Variants in USH2A observed in about 807,000 individuals in gnomAD.
USH2A encodes the protein Usher syndrome 2A (autosomal recessive, mild).
Under a neutral mutation model 538.9 loss-of-function variants are expected in USH2A, and 443 were observed. The observed-to-expected ratio is 0.82, with a 90% confidence interval of 0.76 to 0.89. USH2A has a LOEUF of 0.89. Among genes scored for constraint, USH2A ranks in the 40% least tolerant of loss-of-function variants. The probability of loss-of-function intolerance (pLI) is 0.00; values close to 1 mark genes in which losing one functional copy is unlikely to be tolerated. For synonymous variants in USH2A, 2,413 were observed against 2,273.5 expected, an observed-to-expected ratio of 1.06 and a Z score of -1.75; for missense variants, 6,633 against 6,324.8, an observed-to-expected ratio of 1.05 and a Z score of -1.65.
intron 30 of USH2A, among the ~76,000 whole-genome samples, chr1:216,049,344 T>C (rs926273531): frequency 1.3e-5 from 2 of 152,198 alleles, no homozygotes; most frequent in South Asian, 2.1e-4. Flanking sequence ...CTGGTAGATA[T>C]ATGAGATTTG....
At chr1:215,726,574 T>C (rs1659823587) in intron 61 of USH2A, among the ~76,000 whole-genome samples, 1 of 152,240 alleles carries the variant, frequency 6.6e-6, no homozygotes, top group Non-Finnish European at 1.5e-5. Flanking sequence ...CTCCATAAGA[T>C]AACCTTCATG....
intron 32 of USH2A, among the ~76,000 whole-genome samples, chr1:216,017,354 C>T (rs1263460481): frequency 6.6e-6 from 1 of 152,128 alleles, no homozygotes; most frequent in African/African-American, 2.4e-5. Flanking sequence ...TGATCTTCAT[C>T]AATGCTTTCG....
At chr1:215,933,324 G>T (rs1198058310) in intron 38 of USH2A, among the ~76,000 whole-genome samples, 3 of 151,824 alleles carry the variant, frequency 2.0e-5, no homozygotes, top group Non-Finnish European at 4.4e-5. Flanking sequence ...GGGGGAGTTT[G>T]TTTTATTTTG....
intron 9 of USH2A, among the ~76,000 whole-genome samples, chr1:216,302,429 C>T (rs2037233471): frequency 6.6e-6 from 1 of 152,124 alleles, no homozygotes. Context: ...AAATACTATT[C>T]TTTACCACTG....
At chr1:216,166,765 A>G (rs890316024) in intron 21 of USH2A, among the ~76,000 whole-genome samples, 1 of 152,114 alleles carries the variant, frequency 6.6e-6, no homozygotes, top group Non-Finnish European at 1.5e-5. Flanking sequence ...GAGAGGAAAA[A>G]AATGAAGGGA....
At chr1:215,830,382 A>G (rs1161067425) in intron 47 of USH2A, among the ~76,000 whole-genome samples, 1 of 152,170 alleles carries the variant, frequency 6.6e-6, no homozygotes, top group Non-Finnish European at 1.5e-5. Context: ...ACGGGGGGAA[A>G]AATCTTTCTG....
chr1:215,711,413 C>T (rs573163833), intron 61 of USH2A, among the ~76,000 whole-genome samples: 1 of 152,204 alleles, frequency 6.6e-6, no homozygotes, highest in South Asian at 2.1e-4. Context: ...AACTGTCTTT[C>T]TGCTTTAGGA....
At chr1:215,718,753 A>G (rs546725370) in intron 61 of USH2A, among the ~76,000 whole-genome samples, 3 of 152,234 alleles carry the variant, frequency 2.0e-5, no homozygotes, top group African/African-American at 4.8e-5. Context: ...CGGGGCAGCC[A>G]TCTTGTCTCA....
At chr1:216,351,691 G>A (rs1371367404) in intron 4 of USH2A, among the ~76,000 whole-genome samples, 9 of 124,136 alleles carry the variant, frequency 7.3e-5, no homozygotes, top group South Asian at 4.8e-4. Flanking sequence ...AGAATAAAGC[G>A]GAGTGCCTGG....
chr1:216,078,425 G>C, intron 26 of USH2A, 63 bp from the exon 27 acceptor site: 1 of 1,506,452 alleles, frequency 6.6e-7, no homozygotes, highest in Admixed American at 1.7e-5. Flanking sequence ...CAGTTTGGGA[G>C]AGAGCAGAAA....
intron 30 of USH2A, among the ~76,000 whole-genome samples, chr1:216,062,655 T>A (rs1196183013): frequency 6.6e-6 from 1 of 152,180 alleles, no homozygotes; most frequent in African/African-American, 2.4e-5. Flanking sequence ...TGTAAGGATA[T>A]GTTTTTAAAT....
chr1:216,348,637 T>C (rs1248507109), intron 4 of USH2A, among the ~76,000 whole-genome samples: 4 of 152,074 alleles, frequency 2.6e-5, no homozygotes, highest in African/African-American at 9.7e-5. Context: ...ATACAAGTAA[T>C]CAGGCCAAGT....
chr1:215,879,085 G>A lies in USH2A; in HGVS notation c.8237C>T (p.Pro2746Leu). 3.7e-6 allele frequency: 6 copies of A among 1,613,616 alleles called. No homozygotes were observed. Among genetic ancestry groups the A allele is most frequent in the Non-Finnish European group, 4.2e-6 (5 of 1,179,738 alleles). The change falls in exon 42 of 72, where the codon CCC becomes CTC. Residue 2746 changes from proline (P) to leucine (L), a missense_variant. By Grantham distance (98) the Pro-to-Leu change is moderately conservative. Coordinates refer to ENST00000307340, the MANE Select transcript of USH2A (RefSeq NM_206933.4). ...EPDAVQVTWKPPLIQNGDILS... is the reference protein window; with the variant it reads ...EPDAVQVTWKLPLIQNGDILS... ...TATGTCTCCGTTCTGGATGAGTGGG[G>A]GTTTCCAAGTGACCTGAAATGAAAG...
chr1:215,880,092 A>AT (rs538906871), intron 41 of USH2A, among the ~76,000 whole-genome samples: 86 of 152,204 alleles, frequency 5.7e-4, no homozygotes, highest in Middle Eastern at 3.4e-3. Context: ...GTTAGATTAT[A>AT]TTTTTTTCCC....
At chr1:215,960,563 G>A (rs533460184) in intron 37 of USH2A, among the ~76,000 whole-genome samples, 2 of 152,010 alleles carry the variant, frequency 1.3e-5, no homozygotes, top group Non-Finnish European at 2.9e-5. Flanking sequence ...TCAGTAAATG[G>A]CACTTGCACA....
chr1:215,932,945 AT>A (rs1666401129), intron 38 of USH2A, among the ~76,000 whole-genome samples: 1 of 152,018 alleles, frequency 6.6e-6, no homozygotes, highest in South Asian at 2.1e-4. Flanking sequence ...GGACCTTGCT[AT>A]TTTTAATTGA....
Position 215,813,824 on chromosome 1 carries a change from A to AT in USH2A, c.9650dup (p.Asn3217LysfsTer27). The AT allele has an allele frequency of 6.2e-7, 1 of 1,613,958 alleles. No individual in the cohort carries two copies. The highest frequency in any genetic ancestry group is 1.3e-5 in the African/African-American group (1 of 75,024). ...GGCCACCACAACAAACTCCAGTAGAATTCAGAACAAACGGGATATACTTTT... is the reference window on the plus strand; with the variant it reads ...GGCCACCACAACAAACTCCAGTAGAATTTCAGAACAAACGGGATATACTTTT... On this transcript the variant is annotated frameshift_variant, in exon 49 of 72. Transcript: ENST00000307340. LOFTEE classifies it high-confidence loss of function.
intron 16 of USH2A, among the ~76,000 whole-genome samples, chr1:216,201,309 CTTT>C (rs527521817): frequency 3.0e-5 from 4 of 133,662 alleles, no homozygotes; most frequent in African/African-American, 5.5e-5. Context: ...AGTCTTTTTT[CTTT>C]TTTTTTTTTT....
rs1339963 is a variant in USH2A at position 216,327,488 on chromosome 1, G to C, written c.848+103C>G. On this transcript the variant is annotated intron_variant, in intron 5 of 71. Transcript: ENST00000307340. ...TTAATTAGGTGAAGTTTGCCAAATG[G>C]TATAAAGATAAAAAATGGTATAATC... 0.33 allele frequency: 458,792 copies of C among 1,376,662 alleles called. 79,920 individuals are homozygous for C. The highest frequency in any genetic ancestry group is 0.56 in the African/African-American group (38,980 of 69,172). 85.3% of individuals were successfully genotyped at this position (1,376,662 alleles called of 1,614,324 possible). A position where few individuals can be genotyped will look rare whatever the true frequency, so the allele number is the denominator to read the frequency against.
Sources: gnomAD v4.1 joint callset for allele counts (sites outside exome capture counted in the v4.1 genomes callset) on GRCh38, gnomAD v4.1.1 for gene constraint, MANE v1.5 for transcripts, NCBI Gene and HGNC (gene_info 2026-07-23, HGNC 2026-07-21) for gene names.